Variants in TNMD observed in about 807,000 individuals in gnomAD.
The protein encoded by TNMD is BRICHOS domain containing 4.
TNMD carries 15 observed loss-of-function variants against 26.9 expected under a neutral mutation model. The ratio of observed to expected loss-of-function variants is 0.56; its 90% confidence interval spans 0.37 to 0.86. TNMD has a LOEUF of 0.86. Among genes scored for constraint, TNMD ranks in the 40% least tolerant of loss-of-function variants. TNMD has a pLI of 0.00. For synonymous variants in TNMD, 73 were observed against 77.0 expected (o/e 0.95, Z 0.27); for missense variants, 222 against 242.6 (o/e 0.92, Z 0.56).
intron 2 of TNMD, among the ~76,000 whole-genome samples, chrX:100,593,032 A>G (rs1400043279): frequency 8.9e-6 from 1 of 112,172 alleles, no homozygotes; most frequent in Non-Finnish European, 1.9e-5. Context: ...TCCTAAAACT[A>G]TAAGTTATGG....
rs142730831 is a variant in TNMD, at chrX:100,587,614, G to T, written c.180+2252G>T. ...TCATGGCCTTCATAAGACCAGGTTT[G>T]GTTCATTGAAAACTAAGAAATCAGC... On this transcript the variant is annotated intron_variant, in intron 2 of 6. Coordinates refer to ENST00000373031, the MANE Select transcript of TNMD (RefSeq NM_022144.3). 9.9e-3 allele frequency among the ~76,000 whole-genome samples: 1,102 copies of T among 111,721 alleles called. 16 individuals carry two copies. Among genetic ancestry groups the T allele is most frequent in the African/African-American group, 0.034 (1,031 of 30,732 alleles).
At chrX:100,599,304 A>G (rs2082962059) in intron 6 of TNMD, 122 bp downstream of exon 6, 12 of 640,868 alleles carry the variant, frequency 1.9e-5, no homozygotes, top group South Asian at 6.5e-5. Context: ...AAAAAAAAAA[A>G]TGTTTAAGAA....
At chrX:100,590,742 T>C (rs2082935031) in intron 2 of TNMD, among the ~76,000 whole-genome samples, 1 of 111,759 alleles carries the variant, frequency 8.9e-6, no homozygotes, top group Non-Finnish European at 1.9e-5. Context: ...GCCAGCCTTA[T>C]GTGTGGGTGG....
chrX:100,592,913 T>A (rs1183450088), intron 2 of TNMD, among the ~76,000 whole-genome samples: 1 of 111,938 alleles, frequency 8.9e-6, no homozygotes. Flanking sequence ...AACAAAGGTC[T>A]CCTAATGACA....
At position 100,594,321 on chromosome X, in the gene TNMD, G is replaced by A. The variant is rs763617099; in HGVS notation, c.382G>A (p.Val128Met). 8.3e-7 allele frequency: 1 copy of A among 1,199,589 alleles called. No individual in the cohort carries two copies. Among genetic ancestry groups the A allele is most frequent in the Non-Finnish European group, 1.1e-6 (1 of 887,942 alleles). ...ATGTTTTATCAAAACTCAGATTAAAGTGATTCCTGAATTTTCTGAACCAGA... is the reference window on the plus strand; with the variant it reads ...ATGTTTTATCAAAACTCAGATTAAAATGATTCCTGAATTTTCTGAACCAGA... Reference protein sequence around the residue: ...QKCFIKTQIKVIPEFSEPEEE... With the variant: ...QKCFIKTQIKMIPEFSEPEEE... Residue 128 changes from valine (V) to methionine (M), a missense_variant, in exon 4 of 7, where the codon GTG becomes ATG. Transcript: ENST00000373031.
intron 4 of TNMD, 136 bp from the exon 5 acceptor site, chrX:100,597,368 C>A: frequency 1.4e-6 from 1 of 727,265 alleles, no homozygotes; most frequent in Non-Finnish European, 2.0e-6. Context: ...ATGCAAGGCA[C>A]AGAGCTAGTT....
intron 3 of TNMD, 58 bp from the exon 4 acceptor site, chrX:100,594,203 G>T: frequency 9.8e-7 from 1 of 1,018,532 alleles, no homozygotes; most frequent in African/African-American, 1.9e-5. Flanking sequence ...ACAGATCATG[G>T]AACTTACTAA....
chrX:100,597,792 G>C, intron 5 of TNMD, 135 bp downstream of exon 5: 1 of 627,905 alleles, frequency 1.6e-6, no homozygotes, highest in Non-Finnish European at 2.4e-6. Flanking sequence ...TATATATGCT[G>C]ACTGCCAGTG....
chrX:100,599,664 C>T lies in TNMD; in HGVS notation c.901C>T (p.Arg301Cys), dbSNP rs761145360. 4 of 1,211,582 alleles carry T rather than the reference C, an allele frequency of 3.3e-6. No individual in the cohort carries two copies. Among genetic ancestry groups the T allele is most frequent in the South Asian group, 3.5e-5 (2 of 56,911 alleles). The change falls in exon 7 of 7, where the codon CGT (arginine) becomes TGT (cysteine). Residue 301 changes from arginine (R) to cysteine (C), a missense_variant. Transcript: ENST00000373031. ...CTACCAAGGAGGACGAGTCATCTGT[C>T]GTGTCATCATGCCTTGTAACTGGTG... is the stretch of plus-strand genomic sequence containing the variant. ...YCYQGGRVIC[R>C]VIMPCNWWVA...
At position 100,599,620 on chromosome X, in the gene TNMD, A is replaced by G. The variant is rs2082963179; in HGVS notation, c.857A>G (p.Tyr286Cys). 1 of 1,211,697 alleles carries G rather than the reference A, an allele frequency of 8.3e-7. No homozygotes were observed. Among genetic ancestry groups the G allele is most frequent in the Non-Finnish European group, 1.1e-6 (1 of 895,418 alleles). Residue 286 changes from tyrosine to cysteine, a missense_variant, in exon 7 of 7, where the codon TAC becomes TGC. Tyr to Cys is a radical substitution (Grantham distance 194). Coordinates refer to ENST00000373031, the MANE Select transcript of TNMD (RefSeq NM_022144.3). ...CRRVCEPLLG[Y>C]YPYPYCYQGG... ...CGCGTCTGTGAACCTTTACTAGGCT[A>G]CTACCCATATCCATACTGCTACCAA...
chrX:100,586,476 A>G (rs1602684438), intron 2 of TNMD, among the ~76,000 whole-genome samples: 1 of 111,424 alleles, frequency 9.0e-6, no homozygotes, highest in East Asian at 2.8e-4. Context: ...AGAGCAGGAA[A>G]AGCAGAAAAT....
chrX:100,589,592 G>A, intron 2 of TNMD, among the ~76,000 whole-genome samples: 1 of 110,829 alleles, frequency 9.0e-6, no homozygotes, highest in East Asian at 2.9e-4. Flanking sequence ...ATGACACCAG[G>A]ATGAAGAGCC....
In TNMD at chrX:100,594,399, C is replaced by G. The variant is rs754020540; in HGVS notation, c.423+37C>G. ...GAATAATTGTGGTGGCAAAAGACAT[C>G]ATTTATTGGATGCTAGCTATGTGCC... On this transcript the variant is annotated intron_variant, in intron 4 of 6. Transcript: ENST00000373031. 9.9e-6 allele frequency: 9 copies of G among 908,290 alleles called. No homozygotes were observed. In the East Asian group the frequency reaches 2.8e-4, roughly 29 times the overall value. 74.9% of individuals were successfully genotyped at this position (908,290 alleles called of 1,213,427 possible). A position where few individuals can be genotyped will look rare whatever the true frequency, so the allele number is the denominator to read the frequency against.
chrX:100,597,682 C>G (rs2082956871), intron 5 of TNMD, 25 bp downstream of exon 5: 1 of 1,185,553 alleles, frequency 8.4e-7, no homozygotes, highest in Admixed American at 2.2e-5. Context: ...TCCTCATCCT[C>G]CTCCTATTTT....
rs771167824 is a variant in TNMD at position 100,585,719 on chromosome X, G to T, written c.180+357G>T. On this transcript the variant is annotated intron_variant, in intron 2 of 6. Coordinates refer to ENST00000373031, the MANE Select transcript of TNMD (RefSeq NM_022144.3). The stretch of plus-strand genomic sequence containing the variant: ...TATCTGGGCAGAAACTGATGGAAAA[G>T]TAATTAGACCACCACATAAGGAGAA... 9.8e-5 allele frequency among the ~76,000 whole-genome samples: 11 copies of T among 112,348 alleles called. No individual in the cohort carries two copies. The South Asian group carries it at 4.1e-3, about 42-fold the overall frequency.
chrX:100,599,231 T>C, intron 6 of TNMD, 49 bp downstream of exon 6: 1 of 1,009,670 alleles, frequency 9.9e-7, no homozygotes, highest in Admixed American at 3.4e-5. Flanking sequence ...AAAAGAGCCC[T>C]CACAAAACTT....
Position 100,590,340 on chromosome X carries a change from A to G in TNMD, c.181-3555A>G, listed in dbSNP as rs901687820. Among the ~76,000 whole-genome samples the G allele has an allele frequency of 2.7e-5, 3 of 112,058 alleles. No homozygotes were observed. In the Admixed American group the frequency reaches 2.8e-4, roughly 11 times the overall value. ...GGCTTCAAAAAACAAACCTAAGCCA[A>G]ATGTCCTCAAATCCCTGTCAGGACA... On this transcript the variant is annotated intron_variant, in intron 2 of 6. Transcript: ENST00000373031.
In TNMD at chrX:100,585,078, C is replaced by T; in HGVS notation, c.48+12C>T. On this transcript the variant is annotated intron_variant, in intron 1 of 6. Coordinates refer to ENST00000373031, the MANE Select transcript of TNMD (RefSeq NM_022144.3). ...GTCACATTCTAAATGTAAGTTGATT[C>T]ATATTTTTTCCCTTTTGAGCAGAAG... The T allele has an allele frequency of 2.5e-6, 3 of 1,204,511 alleles. No homozygotes were observed. Among genetic ancestry groups the T allele is most frequent in the Non-Finnish European group, 3.4e-6 (3 of 890,848 alleles).
chrX:100,594,260 G>C lies in TNMD; in HGVS notation c.322-1G>C. 4 of 1,173,068 alleles carry C rather than the reference G, an allele frequency of 3.4e-6. No individual in the cohort carries two copies. The highest frequency in any genetic ancestry group is 4.6e-6 in the Non-Finnish European group (4 of 868,145). Reference sequence around the variant, plus strand: ...TTATTGTTGTTTTGTCTGTTTTATAGGGATACACTGGCATCTACTTCGTGG... The same window carrying C: ...TTATTGTTGTTTTGTCTGTTTTATACGGATACACTGGCATCTACTTCGTGG... On this transcript the variant is annotated splice_acceptor_variant, in intron 3 of 6. Coordinates refer to ENST00000373031, the MANE Select transcript of TNMD (RefSeq NM_022144.3). LOFTEE classifies it high-confidence loss of function.
Sources: gnomAD v4.1 joint callset for allele counts (sites outside exome capture counted in the v4.1 genomes callset) on GRCh38, gnomAD v4.1.1 for gene constraint, MANE v1.5 for transcripts, NCBI Gene and HGNC (gene_info 2026-07-23, HGNC 2026-07-21) for gene names.